The following MKLN1 variants were observed in gnomAD, a reference collection of about 807,000 sequenced individuals.
MKLN1 encodes the protein muskelin 1, also known as muskelin.
MKLN1 carries 18 observed loss-of-function variants against 99.0 expected under a neutral mutation model. The ratio of observed to expected loss-of-function variants is 0.18; its 90% CI spans 0.13 to 0.27. The LOEUF (loss-of-function observed/expected upper bound fraction) is 0.27, where lower values mean the gene tolerates loss of function less well. MKLN1 is among the 10% of genes least tolerant of loss of function. The pLI is 1.00. For synonymous variants in MKLN1, 288 were observed against 293.2 expected, an observed-to-expected ratio of 0.98 and a Z score of 0.18; for missense variants, 621 against 875.9, an observed-to-expected ratio of 0.71 and a Z score of 3.67.
At chr7:131,133,143 G>C (rs1795584568) in intron 1 of MKLN1, among the ~76,000 whole-genome samples, 1 of 151,294 alleles carries the variant, frequency 6.6e-6, no homozygotes. Context: ...AGGCTCACTA[G>C]AGATTTTGAG....
At position 131,488,804 on chromosome 7, in the gene MKLN1, G is replaced by T. The variant is rs1797352484; in HGVS notation, c.*1076G>T. The T allele has an allele frequency of 6.6e-6, 1 of 152,092 alleles. No individual in the cohort carries two copies. The highest frequency in any genetic ancestry group is 2.4e-5 in the African/African-American group (1 of 41,414). 9.4% of individuals were successfully genotyped at this position (152,092 alleles called of 1,614,324 possible). ...TTGTCCAGTGGTATACAACTGACAG[G>T]CATTTCATTAAGCACATAGACCAGA... On this transcript the variant is annotated 3_prime_UTR_variant, in exon 18 of 18. Coordinates refer to ENST00000352689, the MANE Select transcript of MKLN1 (RefSeq NM_013255.5).
chr7:131,282,606 G>A (rs929746047), intron 3 of MKLN1, among the ~76,000 whole-genome samples: 1 of 152,070 alleles, frequency 6.6e-6, no homozygotes, highest in African/African-American at 2.4e-5. Flanking sequence ...AGCTGGGTTC[G>A]AAGGCTCACC....
chr7:131,203,900 C>T (rs1796766473), intron 3 of MKLN1, among the ~76,000 whole-genome samples: 1 of 152,128 alleles, frequency 6.6e-6, no homozygotes. Context: ...ACATAGCCCT[C>T]ATTTATTGAT....
intron 2 of MKLN1, among the ~76,000 whole-genome samples, chr7:131,195,387 T>C (rs1397958246): frequency 1.3e-5 from 2 of 151,928 alleles, no homozygotes; most frequent in East Asian, 3.9e-4. Context: ...GGCACGTGCC[T>C]GTAATCCCAG....
chr7:131,165,350 T>A (rs961606698), intron 2 of MKLN1, among the ~76,000 whole-genome samples: 4 of 152,144 alleles, frequency 2.6e-5, no homozygotes, highest in African/African-American at 9.7e-5. Flanking sequence ...CATGCCTGGC[T>A]AATTTTTTGT....
chr7:131,250,543 C>G (rs10248655), intron 3 of MKLN1, among the ~76,000 whole-genome samples: 1 of 152,006 alleles, frequency 6.6e-6, no homozygotes, highest in East Asian at 1.9e-4. Context: ...ATGTGGTGTA[C>G]GCAGGAGGGA....
At chr7:131,250,137 G>A (rs1198197910) in intron 3 of MKLN1, among the ~76,000 whole-genome samples, 1 of 152,178 alleles carries the variant, frequency 6.6e-6, no homozygotes, top group African/African-American at 2.4e-5. Flanking sequence ...GAGATATAAA[G>A]GAGTTGCCCC....
chr7:131,406,573 GT>G (rs1563332794), intron 6 of MKLN1, among the ~76,000 whole-genome samples: 3 of 151,424 alleles, frequency 2.0e-5, no homozygotes, highest in Admixed American at 1.3e-4. Flanking sequence ...TATTTACTGG[GT>G]TTTTTTTCTC....
rs1797398272 is a variant in MKLN1, at chr7:131,490,499, TTTGA to T, written c.*2780_*2783del. The T allele has an allele frequency of 6.6e-6, 1 of 152,578 alleles. No individual in the cohort carries two copies. Among genetic ancestry groups the T allele is most frequent in the African/African-American group, 2.4e-5 (1 of 41,452 alleles). The allele number at this position is 152,578 out of a possible 1,614,324, so 9.5% of individuals were successfully genotyped here. A position where few individuals can be genotyped will look rare whatever the true frequency, so the allele number is the denominator to read the frequency against. ...AATGGCAGAGACCTCATGTGGCCAG[TTTGA>T]TTGATTGAAGAATGTATCACTCTTA... On this transcript the variant is annotated 3_prime_UTR_variant, in exon 18 of 18. Transcript: ENST00000352689.
intron 3 of MKLN1, among the ~76,000 whole-genome samples, chr7:131,216,007 C>G (rs564797962): frequency 1.3e-5 from 2 of 152,126 alleles, no homozygotes; most frequent in South Asian, 4.1e-4. Context: ...GGAGTCTAGA[C>G]GCCCCATTCT....
chr7:131,478,145 GA>G (rs1797016752), intron 16 of MKLN1, among the ~76,000 whole-genome samples: 1 of 152,108 alleles, frequency 6.6e-6, no homozygotes, highest in Non-Finnish European at 1.5e-5. Flanking sequence ...TGTAATTTAG[GA>G]ATGGTCTATA....
intron 3 of MKLN1, among the ~76,000 whole-genome samples, chr7:131,318,787 CA>C (rs1449067467): frequency 6.6e-6 from 1 of 152,140 alleles, no homozygotes; most frequent in Non-Finnish European, 1.5e-5. Flanking sequence ...CACAGAAATA[CA>C]AACTACCATC....
rs368871356 is a variant in MKLN1 at position 131,272,512 on chromosome 7, C to A, written c.-179+69538C>A. On this transcript the variant is annotated intron_variant, in intron 3 of 7. Transcript: ENST00000416992. ...GGCCAATCAAAAGAATTTTGGCTTA[C>A]CCTCATGGGAAAAGGGAAGCCAATG... is the stretch of plus-strand genomic sequence containing the variant. Among the ~76,000 whole-genome samples, 55 of 152,222 alleles carry A rather than the reference C, an allele frequency of 3.6e-4. 2 individuals are homozygous for A. In the South Asian group the frequency reaches 0.011, roughly 32 times the overall value.
At chr7:131,419,663 T>A (rs1224461654) in intron 8 of MKLN1, among the ~76,000 whole-genome samples, 2 of 152,202 alleles carry the variant, frequency 1.3e-5, no homozygotes, top group Non-Finnish European at 2.9e-5. Flanking sequence ...ATTGAACTGA[T>A]ATTATTACAA....
chr7:131,167,877 G>C (rs1796149033), intron 2 of MKLN1, among the ~76,000 whole-genome samples: 1 of 152,046 alleles, frequency 6.6e-6, no homozygotes, highest in Non-Finnish European at 1.5e-5. Flanking sequence ...TAGCAACAAG[G>C]AAAATGCTAT....
At chr7:131,417,919 A>C (rs1044546514) in intron 8 of MKLN1, among the ~76,000 whole-genome samples, 3 of 152,194 alleles carry the variant, frequency 2.0e-5, no homozygotes, top group African/African-American at 7.2e-5. Flanking sequence ...AAGTTGGAGA[A>C]AATTTTACTC....
intron 12 of MKLN1, among the ~76,000 whole-genome samples, chr7:131,460,207 G>A (rs755215678): frequency 3.3e-5 from 5 of 151,810 alleles, no homozygotes; most frequent in African/African-American, 4.8e-5. Flanking sequence ...TCTGTGATTT[G>A]TCTTTTCCTG....
intron 9 of MKLN1, among the ~76,000 whole-genome samples, chr7:131,435,273 G>T (rs1455089200): frequency 1.3e-5 from 2 of 152,054 alleles, no homozygotes; most frequent in Admixed American, 1.3e-4. Flanking sequence ...TTTTGTTAAA[G>T]ATTAGTTTTG....
chr7:131,406,674 G>A (rs1426252000), intron 6 of MKLN1, among the ~76,000 whole-genome samples: 2 of 151,850 alleles, frequency 1.3e-5, no homozygotes, highest in Non-Finnish European at 2.9e-5. Context: ...CTTCTATAAT[G>A]CAGCTCAACT....
Sources: allele counts gnomAD v4.1 joint callset (sites outside exome capture counted in the v4.1 genomes callset), GRCh38; gene constraint gnomAD v4.1.1; transcripts MANE v1.5; gene names NCBI Gene and HGNC (gene_info 2026-07-23, HGNC 2026-07-21).